Variants in WWOX observed in about 807,000 individuals in gnomAD.
WWOX encodes WW domain containing oxidoreductase.
WWOX carries 69 observed loss-of-function variants against 46.2 expected under a neutral mutation model. The observed-to-expected ratio is 1.49, with a 90% confidence interval of 1.23 to 1.82. The LOEUF (loss-of-function observed/expected upper bound fraction) is 1.82, where lower values mean the gene tolerates loss of function less well. Among genes scored for constraint, WWOX ranks in the 40% most tolerant of loss-of-function variants. The pLI is 0.00. For synonymous variants in WWOX, 359 were observed against 202.6 expected (o/e 1.77, Z -6.56); for missense variants, 919 against 542.6 (o/e 1.69, Z -6.89).
Position 78,547,149 on chromosome 16 carries a change from A to AAAAC in WWOX, c.1056+114400_1056+114401insCAAA, listed in dbSNP as rs1555560719. 2.7e-3 allele frequency among the ~76,000 whole-genome samples: 287 copies of AAAAC among 105,090 alleles called. 1 individual carries two copies. Among genetic ancestry groups the AAAAC allele is most frequent in the Middle Eastern group, 0.01 (2 of 194 alleles). The allele number at this position is 105,090 out of a possible 152,430, so 68.9% of individuals were successfully genotyped here. On this transcript the variant is annotated intron_variant, in intron 8 of 8. Transcript: ENST00000566780. The stretch of plus-strand genomic sequence containing the variant: ...TCAGAAAAAAAAAAAAAAAAAAAAA[A>AAAAC]AAAAAAAAAACAACTACCAGGCCTG...
rs779882158 is a variant in WWOX, at chr16:78,424,852, G to T, written c.606-18G>T. The T allele has an allele frequency of 6.2e-7, 1 of 1,613,850 alleles. No individual in the cohort carries two copies. The highest frequency in any genetic ancestry group is 1.1e-5 in the South Asian group (1 of 91,060). ...GTAGTGTTTATGTCCACATCACATG[G>T]GATATTTTATTTTTCAGGCCTCTTC... On this transcript the variant is annotated intron_variant, in intron 6 of 8. Coordinates refer to ENST00000566780, the MANE Select transcript of WWOX (RefSeq NM_016373.4).
chr16:78,996,449 G>C, intron 8 of WWOX: 1 of 529,128 alleles, frequency 1.9e-6, no homozygotes, highest in Non-Finnish European at 2.3e-6. Flanking sequence ...CATATTCAAA[G>C]TGCTCAGCAC....
intron 5 of WWOX, among the ~76,000 whole-genome samples, chr16:78,357,806 G>T (rs192324971): frequency 6.6e-6 from 1 of 152,206 alleles, no homozygotes; most frequent in East Asian, 1.9e-4. Context: ...CATTTCACCC[G>T]ATCCCTGGGA....
At chr16:78,794,026 G>C (rs1175161118) in intron 8 of WWOX, among the ~76,000 whole-genome samples, 1 of 152,224 alleles carries the variant, frequency 6.6e-6, no homozygotes, top group Non-Finnish European at 1.5e-5. Flanking sequence ...CAGCAGGCTA[G>C]ATTCAAATCC....
At chr16:78,251,063 T>G (rs2151828512) in intron 5 of WWOX, among the ~76,000 whole-genome samples, 1 of 152,320 alleles carries the variant, frequency 6.6e-6, no homozygotes, top group East Asian at 1.9e-4. Context: ...TCTAAGGGTA[T>G]GCTTACGTTA....
intron 8 of WWOX, among the ~76,000 whole-genome samples, chr16:78,472,583 T>C (rs191340302): frequency 6.6e-6 from 1 of 151,910 alleles, no homozygotes; most frequent in Non-Finnish European, 1.5e-5. Context: ...CCAAGGCGGG[T>C]GGATCACCTG....
intron 8 of WWOX, among the ~76,000 whole-genome samples, chr16:79,079,734 G>C (rs1171558544): frequency 6.6e-6 from 1 of 152,104 alleles, no homozygotes; most frequent in South Asian, 2.1e-4. Context: ...GTCTACCCCA[G>C]GCTTTGCAAC....
intron 8 of WWOX, among the ~76,000 whole-genome samples, chr16:78,886,823 A>C (rs2044468569): frequency 6.6e-6 from 1 of 152,144 alleles, no homozygotes; most frequent in Non-Finnish European, 1.5e-5. Context: ...AAGCTTATTC[A>C]GAGTCCTTCC....
chr16:78,815,458 A>C (rs1036650211), intron 8 of WWOX, among the ~76,000 whole-genome samples: 1 of 152,208 alleles, frequency 6.6e-6, no homozygotes, highest in African/African-American at 2.4e-5. Context: ...CTTTACAAAC[A>C]GTGCCTTTAC....
chr16:78,714,889 G>A (rs983953708), intron 8 of WWOX, among the ~76,000 whole-genome samples: 1 of 152,154 alleles, frequency 6.6e-6, no homozygotes, highest in Non-Finnish European at 1.5e-5. Context: ...GACATGGAAT[G>A]ATATGGTGTG....
chr16:78,356,847 A>G (rs990161859), intron 5 of WWOX, among the ~76,000 whole-genome samples: 1 of 152,168 alleles, frequency 6.6e-6, no homozygotes, highest in African/African-American at 2.4e-5. Flanking sequence ...GCACCATTGC[A>G]CTCCAGCCTG....
At chr16:78,972,769 C>T (rs1175736945) in intron 8 of WWOX, among the ~76,000 whole-genome samples, 2 of 152,190 alleles carry the variant, frequency 1.3e-5, no homozygotes, top group Non-Finnish European at 2.9e-5. Context: ...TCATTATTCT[C>T]TGTGATTCAG....
At chr16:78,797,243 G>T (rs552115827) in intron 8 of WWOX, among the ~76,000 whole-genome samples, 1 of 150,936 alleles carries the variant, frequency 6.6e-6, no homozygotes, top group African/African-American at 2.4e-5. Context: ...ACCTGCTAAA[G>T]GGAAGACATG....
At chr16:78,375,930 C>T (rs887874629) in intron 5 of WWOX, among the ~76,000 whole-genome samples, 1 of 149,930 alleles carries the variant, frequency 6.7e-6, no homozygotes, top group Non-Finnish European at 1.5e-5. Flanking sequence ...TGGCTCACTG[C>T]AACTCCGCAT....
chr16:78,913,056 T>C (rs2045153325), intron 8 of WWOX, among the ~76,000 whole-genome samples: 1 of 152,008 alleles, frequency 6.6e-6, no homozygotes, highest in African/African-American at 2.4e-5. Flanking sequence ...TTTTCTTTAA[T>C]GAATTAACCC....
At chr16:79,088,156 A>C (rs2048887562) in intron 8 of WWOX, among the ~76,000 whole-genome samples, 1 of 152,122 alleles carries the variant, frequency 6.6e-6, no homozygotes, top group South Asian at 2.1e-4. Flanking sequence ...TCATCTCCCC[A>C]GGCCATGCCA....
At chr16:79,153,492 C>T (rs1475633052) in intron 8 of WWOX, among the ~76,000 whole-genome samples, 2 of 152,152 alleles carry the variant, frequency 1.3e-5, no homozygotes, top group South Asian at 4.1e-4. Flanking sequence ...GTCGTTATGT[C>T]TAGACCCCTG....
chr16:79,143,834 G>A (rs561827626), intron 8 of WWOX, among the ~76,000 whole-genome samples: 1 of 152,046 alleles, frequency 6.6e-6, no homozygotes, highest in South Asian at 2.1e-4. Flanking sequence ...TTCCAGTCTC[G>A]ATCTGCTGAT....
chr16:78,812,191 C>A (rs1167597365), intron 8 of WWOX, among the ~76,000 whole-genome samples: 1 of 151,952 alleles, frequency 6.6e-6, no homozygotes, highest in East Asian at 1.9e-4. Context: ...GGCACTGTAT[C>A]TGCCAATTTT....
Sources: gnomAD v4.1 joint callset for allele counts (sites outside exome capture counted in the v4.1 genomes callset) on GRCh38, gnomAD v4.1.1 for gene constraint, MANE v1.5 for transcripts, NCBI Gene and HGNC (gene_info 2026-07-23, HGNC 2026-07-21) for gene names.